The following ACKR3 variants were observed in gnomAD, a reference collection of about 807,000 sequenced individuals.
The protein encoded by ACKR3 is atypical chemokine receptor 3.
Under a neutral mutation model 22.4 loss-of-function variants are expected in ACKR3, and 6 were observed. The ratio of observed to expected loss-of-function variants is 0.27; its 90% confidence interval spans 0.15 to 0.53. The LOEUF is 0.53. Ranked by LOEUF, ACKR3 falls within the 20% of genes least tolerant of loss-of-function variation. ACKR3 has a pLI of 0.96. For missense variants in ACKR3, 396 were observed against 475.2 expected (o/e 0.83, Z 1.55); for synonymous variants, 209 against 205.2 (o/e 1.02, Z -0.16).
At chr2:236,556,526 G>T in the ACKR3 span, among the ~76,000 whole-genome samples, 3 of 152,110 alleles carry the variant, frequency 2.0e-5, no homozygotes, top group Non-Finnish European at 4.4e-5. Context: ...AGGTTGGAGC[G>T]ATTCGAGGAG....
the ACKR3 span, among the ~76,000 whole-genome samples, chr2:236,548,272 G>T: frequency 0.018 from 2,789 of 152,138 alleles, 95 homozygotes; most frequent in African/African-American, 0.065. The surrounding 1 kb of genome is among the most constrained non-coding windows in gnomAD (Gnocchi z 4.3). Context: ...TTCAGGGAAT[G>T]GTTTGAGGCC....
upstream of ACKR3, among the ~76,000 whole-genome samples, chr2:236,564,592 GT>G (rs532204731): frequency 0.14 from 17,596 of 129,202 alleles, 2,157 homozygotes; most frequent in African/African-American, 0.38. Context: ...TTCCTTCCTA[GT>G]TTTTTTTTTT....
chr2:236,547,307 GT>G, the ACKR3 span, among the ~76,000 whole-genome samples: 1 of 152,158 alleles, frequency 6.6e-6, no homozygotes, highest in African/African-American at 2.4e-5. Context: ...GTATAAAAGT[GT>G]TAGTATACTT....
chr2:236,544,458 C>T, the ACKR3 span, among the ~76,000 whole-genome samples: 11 of 152,058 alleles, frequency 7.2e-5, no homozygotes, highest in African/African-American at 1.9e-4. This position sits in a 1 kb window ranked among gnomAD's most constrained non-coding sequence, Gnocchi z 5.0. Flanking sequence ...CGGAGCAGGT[C>T]GGAGAAAATG....
rs1426951517 is a variant in ACKR3 at position 236,581,495 on chromosome 2, A to G, written c.1030A>G (p.Ile344Val). Residue 344 changes from isoleucine to valine, a missense_variant, in exon 2 of 2, where the codon ATC (isoleucine) becomes GTC (valine). Physicochemically the swap from Ile to Val is conservative, Grantham distance 29 (BLOSUM62 3). Transcript: ENST00000272928. This position sits in a 1 kb window ranked among gnomAD's most constrained non-coding sequence, Gnocchi z 4.4. ...GGCCAAAACAGGGCTCACCAAGCTC[A>G]TCGATGCCTCCAGAGTCTCAGAGAC... ...YSAKTGLTKL[I>V]DASRVSETEY... 1 of 1,614,200 alleles carries G rather than the reference A, an allele frequency of 6.2e-7. No homozygotes were observed. Among genetic ancestry groups the G allele is most frequent in the Non-Finnish European group, 8.5e-7 (1 of 1,180,028 alleles).
In ACKR3 at chr2:236,580,913, A is replaced by T; in HGVS notation, c.448A>T (p.Thr150Ser). ...VDRYLSITYFTNTPSSRKKMV... is the reference protein window; with the variant it reads ...VDRYLSITYFSNTPSSRKKMV... ...CCGCTACCTCTCCATCACCTACTTC[A>T]CCAACACCCCCAGCAGCAGGAAGAA... Residue 150 changes from threonine to serine, a missense_variant, in exon 2 of 2, where the codon ACC becomes TCC. Transcript: ENST00000272928. 1 of 1,613,750 alleles carries T rather than the reference A, an allele frequency of 6.2e-7. No homozygotes were observed. Among genetic ancestry groups the T allele is most frequent in the Non-Finnish European group, 8.5e-7 (1 of 1,179,948 alleles).
upstream of ACKR3, among the ~76,000 whole-genome samples, chr2:236,567,252 G>T (rs139070540): frequency 5.7e-3 from 874 of 152,268 alleles, 10 homozygotes; most frequent in African/African-American, 0.02. Context: ...GCCCGCCTCG[G>T]CCTCCCAAAG....
chr2:236,552,479 C>A, the ACKR3 span, among the ~76,000 whole-genome samples: 3 of 152,320 alleles, frequency 2.0e-5, no homozygotes, highest in African/African-American at 7.2e-5. Context: ...TCTTTCCCCC[C>A]TCCTTTTCAT....
At chr2:236,543,986 T>C in the ACKR3 span, among the ~76,000 whole-genome samples, 2 of 67,986 alleles carry the variant, frequency 2.9e-5, 1 homozygote, top group African/African-American at 2.4e-4. Context: ...TATATATATA[T>C]ATATATACAC....
the ACKR3 span, among the ~76,000 whole-genome samples, chr2:236,540,528 A>C: frequency 6.6e-6 from 1 of 151,916 alleles, no homozygotes; most frequent in Non-Finnish European, 1.5e-5. Flanking sequence ...CAAATTTGTC[A>C]TTTTTTACAT....
At chr2:236,541,676 G>T in the ACKR3 span, among the ~76,000 whole-genome samples, 2 of 152,274 alleles carry the variant, frequency 1.3e-5, no homozygotes, top group South Asian at 4.1e-4. Context: ...ATATGGTTTG[G>T]CTGTGTCCCC....
Position 236,580,733 on chromosome 2 carries a change from G to A in ACKR3, c.268G>A (p.Asp90Asn). Residue 90 changes from aspartate to asparagine, a missense_variant, in exon 2 of 2, where the codon GAC (aspartate) becomes AAC (asparagine). By Grantham distance (23) the Asp-to-Asn change is conservative. Coordinates refer to ENST00000272928, the MANE Select transcript of ACKR3 (RefSeq NM_020311.3). The part of the protein sequence containing the change: ...HCYILNLAIA[D>N]LWVVLTIPVW... ...CTACATCTTGAACCTGGCCATTGCC[G>A]ACCTGTGGGTTGTCCTCACCATCCC... is the stretch of plus-strand genomic sequence containing the variant. The A allele has an allele frequency of 6.2e-7, 1 of 1,614,076 alleles. No homozygotes were observed. The highest frequency in any genetic ancestry group is 8.5e-7 in the Non-Finnish European group (1 of 1,180,028).
At chr2:236,578,499 G>A (rs1394705393) in intron 1 of ACKR3, among the ~76,000 whole-genome samples, 1 of 152,232 alleles carries the variant, frequency 6.6e-6, no homozygotes, top group African/African-American at 2.4e-5. Flanking sequence ...GGCTTTCAGA[G>A]TGTGGAGGGG....
At chr2:236,548,665 G>C in the ACKR3 span, among the ~76,000 whole-genome samples, 1 of 152,218 alleles carries the variant, frequency 6.6e-6, no homozygotes, top group Non-Finnish European at 1.5e-5. The surrounding 1 kb of genome is among the most constrained non-coding windows in gnomAD (Gnocchi z 4.3). Flanking sequence ...ACGGGCAAGA[G>C]TTATCATTCA....
chr2:236,556,484 G>A, the ACKR3 span, among the ~76,000 whole-genome samples: 1 of 152,140 alleles, frequency 6.6e-6, no homozygotes, highest in East Asian at 1.9e-4. Flanking sequence ...GGGGCAGGGG[G>A]CCAGTAGTAG....
chr2:236,566,087 G>A (rs1290361443), upstream of ACKR3, among the ~76,000 whole-genome samples: 1 of 152,170 alleles, frequency 6.6e-6, no homozygotes, highest in Non-Finnish European at 1.5e-5. Flanking sequence ...ACCGGCCGCC[G>A]CTCTGGCCCG....
intron 1 of ACKR3, among the ~76,000 whole-genome samples, chr2:236,572,691 GC>G (rs1691334089): frequency 6.6e-6 from 1 of 152,218 alleles, no homozygotes; most frequent in Non-Finnish European, 1.5e-5. Context: ...CCAGACGGCA[GC>G]CTTTGTGACG....
At chr2:236,538,059 A>G in the ACKR3 span, among the ~76,000 whole-genome samples, 1 of 152,222 alleles carries the variant, frequency 6.6e-6, no homozygotes, top group Non-Finnish European at 1.5e-5. Flanking sequence ...AACTCTTAAC[A>G]GGTCTTGATT....
chr2:236,550,017 G>C, the ACKR3 span, among the ~76,000 whole-genome samples: 1 of 152,230 alleles, frequency 6.6e-6, no homozygotes, highest in African/African-American at 2.4e-5. The surrounding 1 kb of genome is among the most constrained non-coding windows in gnomAD (Gnocchi z 4.6). Flanking sequence ...GCAGGGCACT[G>C]TCTGCCCAGG....
Sources: gnomAD v4.1 joint callset for allele counts (sites outside exome capture counted in the v4.1 genomes callset) on GRCh38, gnomAD v4.1.1 for gene constraint, Gnocchi (gnomAD v3.1) non-coding constraint, MANE v1.5 for transcripts, NCBI Gene and HGNC (gene_info 2026-07-23, HGNC 2026-07-21) for gene names.